ENTREP1: variants seen among roughly 807,000 people sequenced by gnomAD.
ENTREP1 encodes the protein endosomal transmembrane epsin interactor 1.
chr9:69,326,046 A>G, the ENTREP1 span, among the ~76,000 whole-genome samples: 5 of 152,116 alleles, frequency 3.3e-5, no homozygotes, highest in African/African-American at 4.8e-5. Context: ...GAAAATGATT[A>G]AACTTCTTTT....
chr9:69,357,023 T>C, the ENTREP1 span, among the ~76,000 whole-genome samples: 6 of 144,652 alleles, frequency 4.1e-5, no homozygotes, highest in Non-Finnish European at 8.9e-5. Flanking sequence ...TTTGGGAGGC[T>C]GAGGTGGAAG....
At chr9:69,369,235 A>G in the ENTREP1 span, among the ~76,000 whole-genome samples, 1 of 152,100 alleles carries the variant, frequency 6.6e-6, no homozygotes, top group Non-Finnish European at 1.5e-5. Flanking sequence ...TGTCATTGAT[A>G]GGCATTTGGG....
chr9:69,340,723 A>G, the ENTREP1 span, among the ~76,000 whole-genome samples: 2 of 51,362 alleles, frequency 3.9e-5, no homozygotes, highest in East Asian at 4.7e-4. Context: ...GTGTGCATGC[A>G]TGTGTGTGTG....
At chr9:69,343,704 C>T in the ENTREP1 span, among the ~76,000 whole-genome samples, 8 of 152,246 alleles carry the variant, frequency 5.3e-5, no homozygotes, top group East Asian at 5.8e-4. Context: ...CATGAGAACC[C>T]GTTTTTAACA....
At chr9:69,391,927 G>A in the ENTREP1 span, 4 of 934,972 alleles carry the variant, frequency 4.3e-6, no homozygotes, top group African/African-American at 4.9e-5. Flanking sequence ...TTTCCCACCT[G>A]TTGGCTCCCG....
At chr9:69,335,397 A>T in the ENTREP1 span, among the ~76,000 whole-genome samples, 2 of 152,162 alleles carry the variant, frequency 1.3e-5, no homozygotes, top group African/African-American at 4.8e-5. Context: ...GCCTTGCAGG[A>T]TGGATAAAAG....
the ENTREP1 span, among the ~76,000 whole-genome samples, chr9:69,335,525 G>A: frequency 6.6e-6 from 1 of 152,188 alleles, no homozygotes; most frequent in Non-Finnish European, 1.5e-5. Flanking sequence ...GTACTTGGTA[G>A]GAAGGTATGT....
chr9:69,344,558 C>T, the ENTREP1 span, among the ~76,000 whole-genome samples: 2 of 152,106 alleles, frequency 1.3e-5, no homozygotes, highest in African/African-American at 4.8e-5. Context: ...GTGTCTCTGC[C>T]TTTGTGTGTG....
the ENTREP1 span, among the ~76,000 whole-genome samples, chr9:69,362,189 G>C: frequency 6.6e-6 from 1 of 152,124 alleles, no homozygotes; most frequent in Non-Finnish European, 1.5e-5. Flanking sequence ...CAAAATAAAA[G>C]TCCTTAGGCA....
chr9:69,358,274 A>G, the ENTREP1 span, among the ~76,000 whole-genome samples: 2 of 152,228 alleles, frequency 1.3e-5, no homozygotes, highest in Non-Finnish European at 1.5e-5. Context: ...AGCCATTTTC[A>G]TGCTTGCAGT....
At chr9:69,357,846 C>T in the ENTREP1 span, among the ~76,000 whole-genome samples, 1 of 151,976 alleles carries the variant, frequency 6.6e-6, no homozygotes, top group African/African-American at 2.4e-5. Flanking sequence ...ATTTTTTTTC[C>T]AGTGCCATCG....
the ENTREP1 span, among the ~76,000 whole-genome samples, chr9:69,366,384 G>GTTTTTTTTTTTTTTTTTTTTT: frequency 1.6e-5 from 2 of 122,992 alleles, 1 homozygote; most frequent in Non-Finnish European, 3.5e-5. Context: ...TTCCAACTGG[G>GTTTTTTTTTTTTTTTTTTTTT]GTTTTTTTTT....
At chr9:69,357,118 T>A in the ENTREP1 span, among the ~76,000 whole-genome samples, 9 of 146,726 alleles carry the variant, frequency 6.1e-5, no homozygotes, top group East Asian at 2.0e-4. Context: ...AAAAAAAAAA[T>A]TTTGAAGTCA....
chr9:69,357,649 A>G, the ENTREP1 span, among the ~76,000 whole-genome samples: 1 of 152,182 alleles, frequency 6.6e-6, no homozygotes, highest in Non-Finnish European at 1.5e-5. Context: ...TTAGAGGTGC[A>G]CAGGCAAACC....
At chr9:69,331,174 T>C in the ENTREP1 span, among the ~76,000 whole-genome samples, 1 of 152,252 alleles carries the variant, frequency 6.6e-6, no homozygotes, top group Non-Finnish European at 1.5e-5. Flanking sequence ...CATATTATTT[T>C]CTGCTTATTT....
the ENTREP1 span, chr9:69,325,346 C>T: frequency 8.5e-7 from 1 of 1,183,202 alleles, no homozygotes; most frequent in African/African-American, 1.6e-5. Flanking sequence ...CTCCTGCTGC[C>T]CCGTGGCTGG....
the ENTREP1 span, among the ~76,000 whole-genome samples, chr9:69,348,607 T>G: frequency 6.6e-6 from 1 of 152,220 alleles, no homozygotes; most frequent in Non-Finnish European, 1.5e-5. Context: ...TGATTTCCTC[T>G]CAATACCTTC....
the ENTREP1 span, among the ~76,000 whole-genome samples, chr9:69,327,330 A>T: frequency 6.6e-6 from 1 of 152,082 alleles, no homozygotes; most frequent in Non-Finnish European, 1.5e-5. Flanking sequence ...TAGGAATTAG[A>T]CCCGTTATGC....
the ENTREP1 span, chr9:69,387,849 C>T: frequency 3.2e-6 from 4 of 1,256,372 alleles, no homozygotes; most frequent in Non-Finnish European, 4.1e-6. Flanking sequence ...ATTTGTCATA[C>T]CCCATGAAAC....
Sources: gnomAD v4.1 joint callset for allele counts (sites outside exome capture counted in the v4.1 genomes callset) on GRCh38, gnomAD v4.1.1 for gene constraint, MANE v1.5 for transcripts, NCBI Gene and HGNC (gene_info 2026-07-23, HGNC 2026-07-21) for gene names.